GREB1L: variants seen among roughly 807,000 people sequenced by gnomAD.
The protein encoded by GREB1L is GREB1-like protein.
A neutral mutation model predicts 200.8 loss-of-function variants in GREB1L; 17 were observed. The ratio of observed to expected loss-of-function variants is 0.08; its 90% CI spans 0.06 to 0.13. GREB1L has a LOEUF of 0.13. Ranked by LOEUF, GREB1L falls within the 10% of genes least tolerant of loss-of-function variation. The pLI is 1.00. For missense variants in GREB1L, 1,657 were observed against 2,367.7 expected, an observed-to-expected ratio of 0.70 and a Z score of 6.23; for synonymous variants, 789 against 893.0, an observed-to-expected ratio of 0.88 and a Z score of 2.08.
chr18:21,385,447 A>G (rs543014515), intron 4 of GREB1L, among the ~76,000 whole-genome samples: 4 of 125,388 alleles, frequency 3.2e-5, no homozygotes, highest in Non-Finnish European at 4.6e-5. Context: ...GGAAACCTGA[A>G]TAATTCTGGT....
Position 21,323,148 on chromosome 18 carries a change from G to A in GREB1L, c.-119-42879G>A, listed in dbSNP as rs1437327142. 5.3e-5 allele frequency among the ~76,000 whole-genome samples: 8 copies of A among 152,180 alleles called. No individual in the cohort carries two copies. In the East Asian group the frequency reaches 1.6e-3, roughly 30 times the overall value. On this transcript the variant is annotated intron_variant, in intron 1 of 32. Coordinates refer to ENST00000424526, the MANE Select transcript of GREB1L (RefSeq NM_001142966.3). ...AGAAATATTTTTTAAATAGCGGGAT[G>A]TGGTGGTGTGTGCCTGTGGTCCCAG...
chr18:21,369,959 A>AAAAAAG (rs1555632451), intron 2 of GREB1L, among the ~76,000 whole-genome samples: 1 of 151,500 alleles, frequency 6.6e-6, no homozygotes, highest in African/African-American at 2.4e-5. Context: ...AAAAAAAAAA[A>AAAAAAG]AAAAGAAAAG....
intron 1 of GREB1L, among the ~76,000 whole-genome samples, chr18:21,291,161 C>T (rs1349831628): frequency 6.6e-6 from 1 of 152,150 alleles, no homozygotes; most frequent in Non-Finnish European, 1.5e-5. Flanking sequence ...TCCCACTCCC[C>T]CCAGGCAGTA....
Position 21,242,316 on chromosome 18 carries a change from A to C in GREB1L, c.-197A>C, listed in dbSNP as rs1250180492. The stretch of plus-strand genomic sequence containing the variant: ...AGCGCAGCGCGGCGCAGGGAACGGC[A>C]CTGGGGGTGGGGAGACCAGCCCGGC... On this transcript the variant is annotated 5_prime_UTR_variant, in exon 1 of 33. Coordinates refer to ENST00000424526, the MANE Select transcript of GREB1L (RefSeq NM_001142966.3). The C allele has an allele frequency of 2.6e-5, 4 of 152,162 alleles. No homozygotes were observed. Among genetic ancestry groups the C allele is most frequent in the Non-Finnish European group, 5.9e-5 (4 of 68,168 alleles). The allele number at this position is 152,162 out of a possible 1,614,324, so 9.4% of individuals were successfully genotyped here. A position where few individuals can be genotyped will look rare whatever the true frequency, so the allele number is the denominator to read the frequency against.
At chr18:21,379,623 G>A (rs549888900) in intron 2 of GREB1L, among the ~76,000 whole-genome samples, 5 of 152,300 alleles carry the variant, frequency 3.3e-5, no homozygotes, top group African/African-American at 1.2e-4. Context: ...CACTTTTGAT[G>A]TTATTTCATT....
chr18:21,347,933 A>ATTTTTT (rs1171946736), intron 1 of GREB1L, among the ~76,000 whole-genome samples: 1 of 77,356 alleles, frequency 1.3e-5, no homozygotes, highest in African/African-American at 7.4e-5. Flanking sequence ...CACTCGGCTA[A>ATTTTTT]TTTTTTTTTT....
At chr18:21,270,783 C>T (rs1412394127) in intron 1 of GREB1L, among the ~76,000 whole-genome samples, 1 of 152,200 alleles carries the variant, frequency 6.6e-6, no homozygotes. Context: ...TGGGTTATTT[C>T]ACTACTTGAA....
At chr18:21,429,291 C>T (rs1045081331) in intron 7 of GREB1L, among the ~76,000 whole-genome samples, 3 of 118,946 alleles carry the variant, frequency 2.5e-5, no homozygotes, top group African/African-American at 9.6e-5. Flanking sequence ...TCCTCCCCTC[C>T]CCTCTCCTCT....
intron 15 of GREB1L, among the ~76,000 whole-genome samples, chr18:21,457,361 C>T (rs191785411): frequency 9.5e-4 from 144 of 152,246 alleles, no homozygotes; most frequent in South Asian, 3.5e-3. Flanking sequence ...CTTTGGCATA[C>T]ATACTGAAAT....
intron 12 of GREB1L, 84 bp downstream of exon 12, chr18:21,449,920 G>A: frequency 9.4e-7 from 1 of 1,059,120 alleles, no homozygotes; most frequent in Non-Finnish European, 1.3e-6. Context: ...TGTGTTTCAG[G>A]CATCCACATA....
At chr18:21,345,888 A>AG (rs1567945276) in intron 1 of GREB1L, among the ~76,000 whole-genome samples, 1 of 151,738 alleles carries the variant, frequency 6.6e-6, no homozygotes, top group Non-Finnish European at 1.5e-5. Context: ...AAAAAAAAAA[A>AG]AGTACTTACA....
Position 21,441,531 on chromosome 18 carries a change from C to G in GREB1L, c.1201C>G (p.Leu401Val). The stretch of plus-strand genomic sequence containing the variant: ...TAACTCAGGAGTTAGACCAGTAATT[C>G]TGATAGGTAAGGTAATGGAATTCCA... ...LSNSGVRPVI[L>V]IGYGTLPYFY... is the part of the protein sequence containing the mutation. The change falls in exon 10 of 33, where the codon CTG becomes GTG. Residue 401 changes from leucine to valine, a missense_variant. Coordinates refer to ENST00000424526, the MANE Select transcript of GREB1L (RefSeq NM_001142966.3). 1 of 1,549,702 alleles carries G rather than the reference C, an allele frequency of 6.5e-7. No homozygotes were observed. The highest frequency in any genetic ancestry group is 8.7e-7 in the Non-Finnish European group (1 of 1,146,348).
chr18:21,501,624 C>T (rs2036797461), intron 23 of GREB1L, among the ~76,000 whole-genome samples: 1 of 152,148 alleles, frequency 6.6e-6, no homozygotes, highest in African/African-American at 2.4e-5. Flanking sequence ...GATTAATTGC[C>T]TAGATGGTTA....
intron 7 of GREB1L, among the ~76,000 whole-genome samples, chr18:21,431,288 G>C (rs2033135145): frequency 6.6e-6 from 1 of 152,156 alleles, no homozygotes; most frequent in South Asian, 2.1e-4. Context: ...GTCTCCCAAA[G>C]TGTTGGAATT....
At chr18:21,319,582 C>T (rs776156946) in intron 1 of GREB1L, among the ~76,000 whole-genome samples, 18 of 152,226 alleles carry the variant, frequency 1.2e-4, no homozygotes, top group Non-Finnish European at 1.9e-4. Context: ...CCCTTTTTCT[C>T]AGAGATCTTA....
chr18:21,484,808 A>G (rs2036065405), intron 17 of GREB1L, among the ~76,000 whole-genome samples: 1 of 152,140 alleles, frequency 6.6e-6, no homozygotes, highest in Admixed American at 6.5e-5. Flanking sequence ...GGGCAACAAG[A>G]GCAAAACTTG....
At chr18:21,421,167 G>A (rs1477808710) in intron 7 of GREB1L, among the ~76,000 whole-genome samples, 4 of 152,102 alleles carry the variant, frequency 2.6e-5, no homozygotes, top group East Asian at 1.9e-4. Flanking sequence ...GGAAACGTGG[G>A]GATGATAAAT....
At chr18:21,321,614 G>T (rs1008444048) in intron 1 of GREB1L, among the ~76,000 whole-genome samples, 2 of 152,086 alleles carry the variant, frequency 1.3e-5, no homozygotes, top group Admixed American at 1.3e-4. Flanking sequence ...TTGAACCCGG[G>T]AGGCAGAGTT....
At chr18:21,325,974 A>G (rs998208507) in intron 1 of GREB1L, among the ~76,000 whole-genome samples, 1 of 152,130 alleles carries the variant, frequency 6.6e-6, no homozygotes, top group African/African-American at 2.4e-5. Context: ...GATTGGTGTC[A>G]TGAGGAAGCT....
Sources: allele counts gnomAD v4.1 joint callset (sites outside exome capture counted in the v4.1 genomes callset), GRCh38; gene constraint gnomAD v4.1.1; transcripts MANE v1.5; gene names NCBI Gene and HGNC (gene_info 2026-07-23, HGNC 2026-07-21).